The following SVOP variants were observed in gnomAD, a reference collection of about 807,000 sequenced individuals.
The protein encoded by SVOP is synaptic vesicle 2-related protein.
In SVOP, 17 loss-of-function variants were observed where a neutral mutation model predicts 69.1. The observed-to-expected ratio is 0.25, with a 90% CI of 0.17 to 0.37. The LOEUF is 0.37. SVOP is among the 10% of genes least tolerant of loss of function. The pLI is 1.00. For synonymous variants in SVOP, 238 were observed against 238.6 expected (o/e 1.00, Z 0.02); for missense variants, 435 against 597.5 (o/e 0.73, Z 2.84).
intron 1 of SVOP, among the ~76,000 whole-genome samples, chr12:109,013,230 A>G (rs893975314): frequency 7.9e-5 from 12 of 152,228 alleles, no homozygotes; most frequent in Admixed American, 7.9e-4. Flanking sequence ...GAAGACAAAC[A>G]CTAAACACAA....
At chr12:108,971,102 C>T (rs146053899) in intron 5 of SVOP, among the ~76,000 whole-genome samples, 104,883 of 151,870 alleles carry the variant, frequency 0.69, 36,754 homozygotes, top group South Asian at 0.79. Context: ...CTGTTATTTT[C>T]TTCTTTATAC....
intron 1 of SVOP, among the ~76,000 whole-genome samples, chr12:109,014,821 A>G (rs2040359569): frequency 6.6e-6 from 1 of 152,164 alleles, no homozygotes; most frequent in South Asian, 2.1e-4. Flanking sequence ...CCCTGGGCTC[A>G]AGCAATCTTC....
rs117675168 is a variant in SVOP, at chr12:108,924,697, A to C, written c.1049-1900T>G. On this transcript the variant is annotated intron_variant, in intron 11 of 15. Transcript: ENST00000610966. ...GCCTTGAGAAGTAACTGAAGAACTT[A>C]ATAAACAGGAAGGTAAAAATACCTT... is the stretch of plus-strand genomic sequence containing the variant. 5.3e-4 allele frequency among the ~76,000 whole-genome samples: 81 copies of C among 152,336 alleles called. No homozygotes were observed. The East Asian group carries it at 0.015, about 28-fold the overall frequency.
intron 9 of SVOP, among the ~76,000 whole-genome samples, chr12:108,938,002 G>A (rs1029829937): frequency 6.6e-6 from 1 of 152,090 alleles, no homozygotes; most frequent in Non-Finnish European, 1.5e-5. Context: ...CTCCCCAAAG[G>A]CAACCAAATA....
In SVOP at chr12:108,940,652, C is replaced by T. The variant is rs181792511; in HGVS notation, c.768+132G>A. On this transcript the variant is annotated intron_variant, in intron 8 of 15. Coordinates refer to ENST00000610966, the MANE Select transcript of SVOP (RefSeq NM_018711.5). ...CTACCCCAGGCCATAGCTCCCTTGT[C>T]TCATTTCCTGATTTAAAAAAAATAA... 6.6e-4 allele frequency: 899 copies of T among 1,359,994 alleles called. 10 individuals are homozygous for T. The African/African-American group carries it at 0.011, about 17-fold the overall frequency. The allele number at this position is 1,359,994 out of a possible 1,614,324, so 84.2% of individuals were successfully genotyped here.
intron 6 of SVOP, among the ~76,000 whole-genome samples, chr12:108,958,799 G>A (rs1026049122): frequency 2.6e-5 from 4 of 152,100 alleles, no homozygotes; most frequent in East Asian, 1.9e-4. Flanking sequence ...GCCCACATCC[G>A]ATGCCTGGTT....
chr12:108,985,896 C>T (rs1171510859), intron 1 of SVOP, among the ~76,000 whole-genome samples: 2 of 152,200 alleles, frequency 1.3e-5, no homozygotes, highest in Non-Finnish European at 2.9e-5. Context: ...CTCTGGATTT[C>T]AGAAGCACAG....
chr12:108,998,878 C>T lies in SVOP; in HGVS notation c.36-15117G>A, dbSNP rs376114981. ...AATCATGCCAAAATGTAAAGACCAC[C>T]GAGACTAGGAAGAAACTGCATCAAC... On this transcript the variant is annotated intron_variant, in intron 1 of 15. Transcript: ENST00000610966. Among the ~76,000 whole-genome samples the T allele has an allele frequency of 1.5e-3, 230 of 151,768 alleles. 1 individual carries two copies. Among genetic ancestry groups the T allele is most frequent in the African/African-American group, 5.3e-3 (218 of 41,194 alleles).
chr12:108,915,773 C>A lies in SVOP; in HGVS notation c.1440+10G>T. ...CCCCCCATCCCTCTGTATTTGGGGG[C>A]AGCACCTACCTGGGCGATGAACGGA... On this transcript the variant is annotated intron_variant, in intron 15 of 15. Transcript: ENST00000610966. 1 of 1,596,502 alleles carries A rather than the reference C, an allele frequency of 6.3e-7. No homozygotes were observed. The highest frequency in any genetic ancestry group is 1.1e-5 in the South Asian group (1 of 87,742).
chr12:108,941,056 T>A, intron 7 of SVOP, 147 bp from the exon 8 acceptor site: 1 of 1,226,106 alleles, frequency 8.2e-7, no homozygotes. Flanking sequence ...CCCTGTGGTC[T>A]ATATGGTTGG....
chr12:108,957,820 T>C (rs1386417175), intron 6 of SVOP, among the ~76,000 whole-genome samples: 3 of 152,152 alleles, frequency 2.0e-5, no homozygotes, highest in Non-Finnish European at 2.9e-5. Context: ...CTGAGAGGAA[T>C]TTAGAATGGG....
At chr12:108,946,806 C>T (rs1412024434) in intron 6 of SVOP, among the ~76,000 whole-genome samples, 2 of 151,752 alleles carry the variant, frequency 1.3e-5, no homozygotes, top group Non-Finnish European at 2.9e-5. Flanking sequence ...GAAACCTCCA[C>T]CTCCCGGGTT....
intron 5 of SVOP, among the ~76,000 whole-genome samples, chr12:108,966,017 T>G (rs2040043794): frequency 6.7e-6 from 1 of 148,438 alleles, no homozygotes; most frequent in Admixed American, 6.7e-5. Flanking sequence ...CTTTCCTTCT[T>G]TAGAGATGAC....
intron 4 of SVOP, 122 bp from the exon 5 acceptor site, chr12:108,972,598 G>C: frequency 9.7e-7 from 1 of 1,033,172 alleles, no homozygotes; most frequent in East Asian, 2.6e-5. Flanking sequence ...CATTCACTGA[G>C]AGCCTGCCAA....
At position 108,912,477 on chromosome 12, in the gene SVOP, G is replaced by A; in HGVS notation, c.*58C>T. ...AGTGACAATCAGTGCCCCAGTTGGG[G>A]CCTGCCAGCCCCCCAAGCTCTGCAG... On this transcript the variant is annotated 3_prime_UTR_variant, in exon 16 of 16. Coordinates refer to ENST00000610966, the MANE Select transcript of SVOP (RefSeq NM_018711.5). 1 of 1,605,446 alleles carries A rather than the reference G, an allele frequency of 6.2e-7. No homozygotes were observed. The highest frequency in any genetic ancestry group is 8.5e-7 in the Non-Finnish European group (1 of 1,173,452).
intron 1 of SVOP, among the ~76,000 whole-genome samples, chr12:108,997,474 C>T (rs1385372463): frequency 1.3e-5 from 2 of 152,122 alleles, no homozygotes; most frequent in Admixed American, 1.3e-4. Context: ...TCAAGGAGGC[C>T]TGCCTGCCTC....
intron 10 of SVOP, among the ~76,000 whole-genome samples, chr12:108,935,283 C>A (rs1322426690): frequency 2.0e-5 from 3 of 152,224 alleles, no homozygotes; most frequent in East Asian, 1.9e-4. Flanking sequence ...AAGACCGGAA[C>A]CTTCTCATCC....
rs1324851138 is a variant in SVOP at position 109,001,589 on chromosome 12, T to A, written c.36-17828A>T. Among the ~76,000 whole-genome samples the A allele has an allele frequency of 4.7e-4, 66 of 141,932 alleles. 1 individual carries two copies. The highest frequency in any genetic ancestry group is 1.6e-3 in the African/African-American group (62 of 38,250). The allele number at this position is 141,932 out of a possible 152,430, so 93.1% of individuals were successfully genotyped here. A position where few individuals can be genotyped will look rare whatever the true frequency, so the allele number is the denominator to read the frequency against. On this transcript the variant is annotated intron_variant, in intron 1 of 15. Transcript: ENST00000610966. ...CAAGGCTACAGTAACCAAAACAGCATGGTACTGGTACCAAAACAGAGATAT... is the reference window on the plus strand; with the variant it reads ...CAAGGCTACAGTAACCAAAACAGCAAGGTACTGGTACCAAAACAGAGATAT...
chr12:108,936,059 T>G (rs901106545), intron 10 of SVOP, among the ~76,000 whole-genome samples: 5 of 93,582 alleles, frequency 5.3e-5, no homozygotes, highest in African/African-American at 2.8e-4. Context: ...CACACATGTA[T>G]TTTTGAGACA....
Sources: allele counts gnomAD v4.1 joint callset (sites outside exome capture counted in the v4.1 genomes callset), GRCh38; gene constraint gnomAD v4.1.1; transcripts MANE v1.5; gene names NCBI Gene and HGNC (gene_info 2026-07-23, HGNC 2026-07-21).